The following VAV1 variants were observed in gnomAD, a reference collection of about 807,000 sequenced individuals.
VAV1 encodes proto-oncogene vav.
VAV1 carries 33 observed loss-of-function variants against 128.1 expected under a neutral mutation model. The observed-to-expected ratio is 0.26, with a 90% CI of 0.20 to 0.34. The LOEUF is 0.34. VAV1 is among the 10% of genes least tolerant of loss of function. The pLI is 1.00. For missense variants in VAV1, 715 were observed against 1,093.7 expected, an observed-to-expected ratio of 0.65 and a Z score of 4.88; for synonymous variants, 394 against 409.8, an observed-to-expected ratio of 0.96 and a Z score of 0.47.
At chr19:6,835,214 TACAC>T (rs59124872) in intron 19 of VAV1, among the ~76,000 whole-genome samples, 90,836 of 145,240 alleles carry the variant, frequency 0.63, 30,710 homozygotes, top group South Asian at 0.8. Context: ...TATATATACA[TACAC>T]ACACACACAC....
intron 1 of VAV1, among the ~76,000 whole-genome samples, chr19:6,778,874 C>CTT (rs1033290621): frequency 7.7e-5 from 11 of 142,372 alleles, no homozygotes; most frequent in Non-Finnish European, 6.2e-5. Context: ...CCCGTCTCTA[C>CTT]TTTTTTTTTT....
intron 20 of VAV1, 56 bp from the exon 21 acceptor site, chr19:6,836,929 T>TG: frequency 6.4e-7 from 1 of 1,554,732 alleles, no homozygotes; most frequent in Non-Finnish European, 8.9e-7. Flanking sequence ...AGATGGCAGG[T>TG]GGGGTTATGG....
intron 6 of VAV1, among the ~76,000 whole-genome samples, chr19:6,824,336 C>T (rs187579669): frequency 4.2e-4 from 64 of 152,244 alleles, no homozygotes; most frequent in African/African-American, 1.0e-3. Flanking sequence ...ATGGCAACCA[C>T]GAGCTTACTC....
intron 1 of VAV1, among the ~76,000 whole-genome samples, chr19:6,792,687 G>A (rs1568287451): frequency 1.3e-5 from 2 of 151,960 alleles, no homozygotes; most frequent in Non-Finnish European, 2.9e-5. Flanking sequence ...GGATTACAGG[G>A]CATGAGCTAC....
At chr19:6,800,710 C>T (rs1971246856) in intron 1 of VAV1, among the ~76,000 whole-genome samples, 2 of 152,076 alleles carry the variant, frequency 1.3e-5, no homozygotes, top group Non-Finnish European at 2.9e-5. Flanking sequence ...CCACCTCCGC[C>T]TCCTGGGTTC....
chr19:6,814,713 T>TTTCTTTCTTTCTTTCTTTCTTTCTTTCC (rs1971603178), intron 1 of VAV1, among the ~76,000 whole-genome samples: 1 of 140,346 alleles, frequency 7.1e-6, no homozygotes, highest in East Asian at 2.0e-4. Context: ...TCTTTCTTTC[T>TTTCTTTCTTTCTTTCTTTCTTTCTTTCC]TTCTTTCTTT....
At chr19:6,850,225 G>GTTTTTTTTTTTTTTTTTTTTTTTCTTTT (rs760967154) in intron 23 of VAV1, among the ~76,000 whole-genome samples, 1 of 49,038 alleles carries the variant, frequency 2.0e-5, no homozygotes, top group Non-Finnish European at 3.5e-5. Flanking sequence ...TTGTTTCTTT[G>GTTTTTTTTTTTTTTTTTTTTTTTCTTTT]TTTTTTTTTT....
intron 1 of VAV1, among the ~76,000 whole-genome samples, chr19:6,805,613 C>CACACACACAT (rs1491037827): frequency 1.0e-4 from 15 of 149,382 alleles, no homozygotes; most frequent in African/African-American, 3.2e-4. Context: ...CACACACACA[C>CACACACACAT]ATACACGCAC....
At chr19:6,830,898 G>A (rs1972039084) in intron 14 of VAV1, among the ~76,000 whole-genome samples, 1 of 152,076 alleles carries the variant, frequency 6.6e-6, no homozygotes, top group African/African-American at 2.4e-5. Flanking sequence ...GATCAGCCTG[G>A]GCAACATAGG....
chr19:6,850,495 T>G (rs1207559018), intron 23 of VAV1, among the ~76,000 whole-genome samples, 175 bp from the exon 24 acceptor site: 1 of 151,456 alleles, frequency 6.6e-6, no homozygotes, highest in African/African-American at 2.4e-5. Flanking sequence ...AGGAAGACAT[T>G]AAGGCTTTAG....
At chr19:6,833,471 A>G in intron 16 of VAV1, 57 bp from the exon 17 acceptor site, 1 of 1,508,846 alleles carries the variant, frequency 6.6e-7, no homozygotes. Context: ...TTAGCAGAAT[A>G]TTTGGCCCTG....
intron 21 of VAV1, among the ~76,000 whole-genome samples, chr19:6,839,321 T>C (rs1972312202): frequency 6.6e-6 from 1 of 152,128 alleles, no homozygotes; most frequent in South Asian, 2.1e-4. Flanking sequence ...CTTCTCTTTT[T>C]TCTTTTAAAA....
At chr19:6,784,528 C>G (rs187053410) in intron 1 of VAV1, among the ~76,000 whole-genome samples, 1 of 146,810 alleles carries the variant, frequency 6.8e-6, no homozygotes, top group South Asian at 2.2e-4. Flanking sequence ...GAGTTTCACT[C>G]TCTCTCCCAG....
Position 6,805,640 on chromosome 19 carries a change from G to C in VAV1, c.205-15062G>C, listed in dbSNP as rs183079315. On this transcript the variant is annotated intron_variant, in intron 1 of 26. Coordinates refer to ENST00000602142, the MANE Select transcript of VAV1 (RefSeq NM_005428.4). ...TACACGCACACACACATGAGTTGGG[G>C]GGATGGTTTCAGGATGAATCAACCA... 1.3e-3 allele frequency among the ~76,000 whole-genome samples: 169 copies of C among 129,604 alleles called. 4 individuals carry two copies. In the Middle Eastern group the frequency reaches 0.058, roughly 44 times the overall value. The allele number at this position is 129,604 out of a possible 152,430, so 85.0% of individuals were successfully genotyped here.
In VAV1 at chr19:6,833,498, G is replaced by A. The variant is rs367969068; in HGVS notation, c.1611-30G>A. 1.3e-4 allele frequency: 210 copies of A among 1,562,730 alleles called. 1 individual carries two copies. In the East Asian group the frequency reaches 2.2e-3, roughly 16 times the overall value. ...TTGGCCCTGTCTGTAAAGGTCACTC[G>A]CTCTTCTTTATGTGTTCCCTGCATC... On this transcript the variant is annotated intron_variant, in intron 16 of 26. Transcript: ENST00000602142.
Position 6,820,238 on chromosome 19 carries a change from T to TTTTG in VAV1, c.205-451_205-448dup, listed in dbSNP as rs939142155. ...GGAGGTGGAGGCAGGAGGCATGGTT[T>TTTTG]TTTGTTTGTTTGTTTGAGACAGGGT... On this transcript the variant is annotated intron_variant, in intron 1 of 26. Coordinates refer to ENST00000602142, the MANE Select transcript of VAV1 (RefSeq NM_005428.4). This position sits in a 1 kb window ranked among gnomAD's most constrained non-coding sequence, Gnocchi z 4.4. Among the ~76,000 whole-genome samples the TTTTG allele has an allele frequency of 1.3e-5, 2 of 152,008 alleles. No homozygotes were observed. Among genetic ancestry groups the TTTTG allele is most frequent in the Non-Finnish European group, 2.9e-5 (2 of 67,970 alleles).
chr19:6,784,638 C>G (rs1031133823), intron 1 of VAV1, among the ~76,000 whole-genome samples: 3 of 152,024 alleles, frequency 2.0e-5, no homozygotes, highest in Non-Finnish European at 4.4e-5. Context: ...GGATTACAGG[C>G]AAGTGCCACC....
At position 6,825,125 on chromosome 19, in the gene VAV1, A is replaced by C. The variant is rs371485881; in HGVS notation, c.723+4A>C. The C allele has an allele frequency of 6.2e-7, 1 of 1,611,226 alleles. No homozygotes were observed. Among genetic ancestry groups the C allele is most frequent in the Non-Finnish European group, 8.5e-7 (1 of 1,179,308 alleles). Reference sequence around the variant, plus strand: ...GATCATCTTTATCAACATTGAGGTGAGCCGGCCGATCCCCAGCCCTCTTGG... The same window carrying C: ...GATCATCTTTATCAACATTGAGGTGCGCCGGCCGATCCCCAGCCCTCTTGG... On this transcript the variant is annotated splice_donor_region_variant and intron_variant, in intron 7 of 26. Transcript: ENST00000602142.
intron 1 of VAV1, chr19:6,784,267 T>C: frequency 1.7e-6 from 1 of 594,192 alleles, no homozygotes; most frequent in Admixed American, 2.4e-5. Flanking sequence ...TAAATATATC[T>C]ATGCAGGTCT....
Sources: gnomAD v4.1 joint callset for allele counts (sites outside exome capture counted in the v4.1 genomes callset) on GRCh38, gnomAD v4.1.1 for gene constraint, Gnocchi (gnomAD v3.1) non-coding constraint, MANE v1.5 for transcripts, NCBI Gene and HGNC (gene_info 2026-07-23, HGNC 2026-07-21) for gene names.